Variants in CADPS observed in about 807,000 individuals in gnomAD.
The protein encoded by CADPS is calcium dependent secretion activator.
Under a neutral mutation model 167.3 loss-of-function variants are expected in CADPS, and 57 were observed. The observed-to-expected ratio is 0.34, with a 90% CI of 0.28 to 0.42. The LOEUF is 0.42. Ranked by LOEUF, CADPS falls within the 20% of genes least tolerant of loss-of-function variation. CADPS has a pLI of 1.00. For missense variants in CADPS, 1,414 were observed against 1,738.1 expected (o/e 0.81, Z 3.32); for synonymous variants, 676 against 635.3 (o/e 1.06, Z -0.96).
At position 62,741,614 on chromosome 3, in the gene CADPS, G is replaced by A. The variant is rs575109236; in HGVS notation, c.888+11827C>T. On this transcript the variant is annotated intron_variant, in intron 3 of 29. Transcript: ENST00000383710. ...ACTCTCAATAAACTAGGTATTGAAGGAACATACCTCAAAATAATAAGAGCT... is the reference window on the plus strand; with the variant it reads ...ACTCTCAATAAACTAGGTATTGAAGAAACATACCTCAAAATAATAAGAGCT... 5.9e-5 allele frequency among the ~76,000 whole-genome samples: 9 copies of A among 152,134 alleles called. No homozygotes were observed. In the East Asian group the frequency reaches 1.7e-3, roughly 29 times the overall value.
chr3:62,418,416 C>T (rs1447236070), intron 28 of CADPS, among the ~76,000 whole-genome samples: 8 of 149,526 alleles, frequency 5.4e-5, no homozygotes, highest in Non-Finnish European at 1.5e-5. Context: ...CCTCAACCTC[C>T]CAGGCTTAAG....
chr3:62,808,491 C>T (rs2094223696), intron 1 of CADPS, among the ~76,000 whole-genome samples: 2 of 152,132 alleles, frequency 1.3e-5, no homozygotes, highest in South Asian at 4.1e-4. Flanking sequence ...TTGTCATCAT[C>T]ATTCTTTATT....
At chr3:62,490,328 A>G (rs2063498324) in intron 21 of CADPS, among the ~76,000 whole-genome samples, 1 of 152,184 alleles carries the variant, frequency 6.6e-6, no homozygotes. Context: ...GAAAGAAAGA[A>G]AGAAACTAAC....
intron 1 of CADPS, among the ~76,000 whole-genome samples, chr3:62,861,862 T>C (rs1220681668): frequency 6.6e-6 from 1 of 152,240 alleles, no homozygotes; most frequent in African/African-American, 2.4e-5. Flanking sequence ...TCAAACTTGC[T>C]TTGCATTATC....
At position 62,696,272 on chromosome 3, in the gene CADPS, AG is replaced by A. The variant is rs1209745772; in HGVS notation, c.889-33879del. On this transcript the variant is annotated intron_variant, in intron 3 of 29. Coordinates refer to ENST00000383710, the MANE Select transcript of CADPS (RefSeq NM_003716.4). The stretch of plus-strand genomic sequence containing the variant: ...TATGGGGAAAGCTGCAGGGTGGGAG[AG>A]GGAACAGGTACTTGCTCCTTCCTGG... Among the ~76,000 whole-genome samples the A allele has an allele frequency of 2.0e-5, 3 of 152,088 alleles. No individual in the cohort carries two copies. The East Asian group carries it at 5.8e-4, about 29-fold the overall frequency.
intron 2 of CADPS, among the ~76,000 whole-genome samples, chr3:62,756,378 T>C (rs926553432): frequency 3.3e-5 from 5 of 152,234 alleles, no homozygotes; most frequent in Non-Finnish European, 5.9e-5. Flanking sequence ...GATTCTCCAA[T>C]TTCTTATCCA....
At chr3:62,604,052 G>A (rs1338136147) in intron 6 of CADPS, among the ~76,000 whole-genome samples, 3 of 151,510 alleles carry the variant, frequency 2.0e-5, no homozygotes, top group African/African-American at 4.9e-5. Flanking sequence ...GGATGGTCTC[G>A]ATCTCCTGAC....
chr3:62,866,947 T>C (rs546596498), intron 1 of CADPS, among the ~76,000 whole-genome samples: 19 of 152,052 alleles, frequency 1.2e-4, no homozygotes, highest in African/African-American at 4.3e-4. Context: ...CAGGGACTGA[T>C]AGTCCACAGA....
chr3:62,557,379 T>C, intron 10 of CADPS, 26 bp downstream of exon 10: 1 of 1,510,240 alleles, frequency 6.6e-7, no homozygotes, highest in South Asian at 1.1e-5. Context: ...GTTTGTGGGC[T>C]CGTGGCCTTG....
intron 1 of CADPS, among the ~76,000 whole-genome samples, chr3:62,811,072 C>G (rs559566068): frequency 6.6e-6 from 1 of 152,294 alleles, no homozygotes; most frequent in East Asian, 1.9e-4. Flanking sequence ...TGGTTCTTAG[C>G]TTTCATCAAG....
At chr3:62,454,755 G>A (rs988045854) in intron 26 of CADPS, among the ~76,000 whole-genome samples, 4 of 152,128 alleles carry the variant, frequency 2.6e-5, no homozygotes, top group Admixed American at 2.0e-4. Context: ...AGGTTTTCCT[G>A]CAAAGCATCC....
At chr3:62,832,561 A>G (rs774575205) in intron 1 of CADPS, among the ~76,000 whole-genome samples, 1 of 152,216 alleles carries the variant, frequency 6.6e-6, no homozygotes, top group African/African-American at 2.4e-5. Context: ...TGACCTGTGG[A>G]GCAGAGTTTT....
intron 6 of CADPS, among the ~76,000 whole-genome samples, chr3:62,627,557 A>G (rs556315179): frequency 2.6e-5 from 4 of 152,270 alleles, no homozygotes; most frequent in African/African-American, 9.6e-5. Context: ...AACTACACAG[A>G]CTAATTCTTT....
At chr3:62,653,052 C>G (rs1198532083) in intron 4 of CADPS, among the ~76,000 whole-genome samples, 1 of 152,174 alleles carries the variant, frequency 6.6e-6, no homozygotes, top group Non-Finnish European at 1.5e-5. Flanking sequence ...GCATAACTAA[C>G]AGCCTTGTTT....
intron 16 of CADPS, among the ~76,000 whole-genome samples, chr3:62,515,374 A>ATGG (rs1553861738): frequency 1.3e-5 from 2 of 151,532 alleles, no homozygotes; most frequent in Non-Finnish European, 1.5e-5. Flanking sequence ...TCGTGGATGA[A>ATGG]TAGGTCCCAA....
rs184222141 is a variant in CADPS at position 62,460,804 on chromosome 3, T to A, written c.3636+4563A>T. Reference sequence around the variant, plus strand: ...AAAAGGAAAACAGGGTGAATGAGAGTAACTTAAGACAAAGAAGACTGGACA... The same window carrying A: ...AAAAGGAAAACAGGGTGAATGAGAGAAACTTAAGACAAAGAAGACTGGACA... On this transcript the variant is annotated intron_variant, in intron 26 of 29. Coordinates refer to ENST00000383710, the MANE Select transcript of CADPS (RefSeq NM_003716.4). Among the ~76,000 whole-genome samples the A allele has an allele frequency of 7.9e-5, 12 of 151,924 alleles. No individual in the cohort carries two copies. In the East Asian group the frequency reaches 2.3e-3, roughly 29 times the overall value.
chr3:62,637,539 G>T (rs1238194815), intron 6 of CADPS, among the ~76,000 whole-genome samples: 1 of 152,184 alleles, frequency 6.6e-6, no homozygotes, highest in Non-Finnish European at 1.5e-5. Flanking sequence ...CACTAATGTG[G>T]AACACCTGTG....
At chr3:62,755,470 T>C (rs1354664111) in intron 2 of CADPS, among the ~76,000 whole-genome samples, 1 of 152,140 alleles carries the variant, frequency 6.6e-6, no homozygotes, top group Non-Finnish European at 1.5e-5. Context: ...TGCATAAATA[T>C]CCTTCAAGAG....
intron 6 of CADPS, among the ~76,000 whole-genome samples, chr3:62,595,355 G>C (rs1042209286): frequency 3.9e-5 from 6 of 152,180 alleles, no homozygotes; most frequent in African/African-American, 1.4e-4. Context: ...AAGACCCCGA[G>C]ATAGGGAAAT....
Sources: allele counts gnomAD v4.1 joint callset (sites outside exome capture counted in the v4.1 genomes callset), GRCh38; gene constraint gnomAD v4.1.1; transcripts MANE v1.5; gene names NCBI Gene and HGNC (gene_info 2026-07-23, HGNC 2026-07-21).